DNAH9: variants seen among roughly 807,000 people sequenced by gnomAD.
DNAH9 encodes DNAH9 variant protein.
Under a neutral mutation model 471.6 loss-of-function variants are expected in DNAH9, and 345 were observed. The ratio of observed to expected loss-of-function variants is 0.73; its 90% CI spans 0.67 to 0.80. The LOEUF (loss-of-function observed/expected upper bound fraction) is 0.80. Ranked by LOEUF, DNAH9 falls within the 30% of genes least tolerant of loss-of-function variation. DNAH9 has a pLI of 0.00. For missense variants in DNAH9, 5,407 were observed against 5,609.2 expected (o/e 0.96, Z 1.15); for synonymous variants, 2,093 against 2,123.6 (o/e 0.99, Z 0.40).
chr17:11,625,790 G>C (rs1176927811), intron 6 of DNAH9, among the ~76,000 whole-genome samples: 4 of 152,170 alleles, frequency 2.6e-5, no homozygotes, highest in Non-Finnish European at 4.4e-5. Flanking sequence ...TGGTACCCCA[G>C]TGTTCCTTGT....
In DNAH9 at chr17:11,894,499, C is replaced by T. The variant is rs1451347638; in HGVS notation, c.11406+3C>T. ...ATCAGGCGTGGGGAGCTGTCAAGGTCAGTATTGACCCCTAGAAAAAAGCCA... is the reference window on the plus strand; with the variant it reads ...ATCAGGCGTGGGGAGCTGTCAAGGTTAGTATTGACCCCTAGAAAAAAGCCA... On this transcript the variant is annotated splice_donor_region_variant and intron_variant, in intron 59 of 68. Coordinates refer to ENST00000262442, the MANE Select transcript of DNAH9 (RefSeq NM_001372.4). 6.2e-7 allele frequency: 1 copy of T among 1,609,948 alleles called. No homozygotes were observed. The highest frequency in any genetic ancestry group is 2.2e-5 in the East Asian group (1 of 44,768).
At chr17:11,817,216 C>T (rs192936836) in intron 45 of DNAH9, among the ~76,000 whole-genome samples, 14 of 152,048 alleles carry the variant, frequency 9.2e-5, no homozygotes, top group African/African-American at 1.2e-4. Context: ...AAACAAGTGA[C>T]GAGAATATTG....
chr17:11,909,422 CGA>C (rs1398685327), intron 61 of DNAH9, among the ~76,000 whole-genome samples: 1 of 152,152 alleles, frequency 6.6e-6, no homozygotes, highest in Non-Finnish European at 1.5e-5. Context: ...CCCCAAACCA[CGA>C]GAGTTACTCA....
intron 45 of DNAH9, among the ~76,000 whole-genome samples, chr17:11,821,221 G>T (rs985597023): frequency 6.6e-6 from 1 of 151,560 alleles, no homozygotes; most frequent in Non-Finnish European, 1.5e-5. Context: ...GCGAGGTGGA[G>T]GTTGCAGTGA....
intron 20 of DNAH9, 86 bp from the exon 21 acceptor site, chr17:11,693,782 G>C: frequency 6.9e-7 from 1 of 1,450,360 alleles, no homozygotes; most frequent in South Asian, 1.2e-5. Flanking sequence ...CCAGGAACAA[G>C]TTTCTGCTTC....
intron 32 of DNAH9, 149 bp downstream of exon 32, chr17:11,747,915 A>G (rs1966959445): frequency 2.8e-6 from 2 of 709,000 alleles, no homozygotes; most frequent in South Asian, 1.9e-5. Context: ...GTAGAAAGGG[A>G]GAAACCAATT....
chr17:11,662,761 T>TTC (rs1487327221), intron 14 of DNAH9, among the ~76,000 whole-genome samples: 1 of 132,194 alleles, frequency 7.6e-6, no homozygotes, highest in Non-Finnish European at 1.6e-5. Context: ...TTTTTTTTTT[T>TTC]TTTTTTTTTT....
chr17:11,617,384 A>C (rs1212997184), intron 4 of DNAH9, 27 bp from the exon 5 acceptor site: 1 of 1,572,130 alleles, frequency 6.4e-7, no homozygotes, highest in South Asian at 1.1e-5. Flanking sequence ...CCAGATGGGA[A>C]TGCTGACCAT....
At chr17:11,742,732 G>A (rs2075450514) in intron 30 of DNAH9, among the ~76,000 whole-genome samples, 1 of 152,184 alleles carries the variant, frequency 6.6e-6, no homozygotes, top group South Asian at 2.1e-4. Flanking sequence ...CCTAAGGCAG[G>A]AGGAAATTCA....
intron 67 of DNAH9, among the ~76,000 whole-genome samples, chr17:11,960,752 C>A (rs1976073873): frequency 1.3e-5 from 2 of 151,908 alleles, no homozygotes; most frequent in South Asian, 4.2e-4. Context: ...GAGCAAGACA[C>A]CGTCTCCAGA....
At chr17:11,851,688 G>A (rs866880444) in intron 49 of DNAH9, among the ~76,000 whole-genome samples, 4 of 152,102 alleles carry the variant, frequency 2.6e-5, no homozygotes, top group Admixed American at 6.5e-5. Flanking sequence ...GAGCCCTGCC[G>A]ACAACATTGA....
chr17:11,793,396 C>A, intron 41 of DNAH9, 107 bp from the exon 42 acceptor site: 1 of 1,002,800 alleles, frequency 1.0e-6, no homozygotes, highest in Non-Finnish European at 1.5e-6. Context: ...GCAAGACAAG[C>A]CCTAGACATC....
intron 26 of DNAH9, among the ~76,000 whole-genome samples, chr17:11,717,331 G>A (rs1226629397): frequency 2.0e-5 from 3 of 151,638 alleles, no homozygotes; most frequent in Non-Finnish European, 4.4e-5. Context: ...CCTGGAGTTC[G>A]AAACTAGCCT....
At chr17:11,847,522 GTGTGTGGCCT>G (rs762620012) in intron 49 of DNAH9, among the ~76,000 whole-genome samples, 10 of 152,092 alleles carry the variant, frequency 6.6e-5, no homozygotes, top group Non-Finnish European at 1.2e-4. Flanking sequence ...ATGGGTGTGG[GTGTGTGGCCT>G]TATATTTCTG....
chr17:11,816,290 G>A (rs2150934239), intron 45 of DNAH9, among the ~76,000 whole-genome samples: 1 of 152,178 alleles, frequency 6.6e-6, no homozygotes, highest in East Asian at 1.9e-4. Context: ...CTCAGTTTAG[G>A]AAATACAGCA....
intron 36 of DNAH9, among the ~76,000 whole-genome samples, chr17:11,767,772 C>T (rs4539641): frequency 0.29 from 44,572 of 151,752 alleles, 10,560 homozygotes; most frequent in African/African-American, 0.66. Flanking sequence ...GCGTAAGGGG[C>T]CCATTATCTA....
chr17:11,903,712 C>G (rs996521883), intron 60 of DNAH9, among the ~76,000 whole-genome samples: 1 of 152,074 alleles, frequency 6.6e-6, no homozygotes, highest in Non-Finnish European at 1.5e-5. Context: ...GAGTTTGAGA[C>G]CAGCCTGGCC....
At chr17:11,895,849 G>C (rs1385302336) in intron 59 of DNAH9, among the ~76,000 whole-genome samples, 2 of 152,182 alleles carry the variant, frequency 1.3e-5, no homozygotes, top group African/African-American at 4.8e-5. Flanking sequence ...CGTCCAAGTA[G>C]TTTTACTTTA....
chr17:11,790,731 C>G (rs531346672), intron 41 of DNAH9, among the ~76,000 whole-genome samples: 1 of 151,846 alleles, frequency 6.6e-6, no homozygotes, highest in African/African-American at 2.4e-5. Flanking sequence ...ATTCTACCTC[C>G]TTTCTTCTCA....
Sources: allele counts gnomAD v4.1 joint callset (sites outside exome capture counted in the v4.1 genomes callset), GRCh38; gene constraint gnomAD v4.1.1; transcripts MANE v1.5; gene names NCBI Gene and HGNC (gene_info 2026-07-23, HGNC 2026-07-21).